Variants in OTUD7A observed in about 807,000 individuals in gnomAD.
OTUD7A encodes OTU deubiquitinase 7A, also known as OTU domain-containing protein 7A.
Under a neutral mutation model 65.7 loss-of-function variants are expected in OTUD7A, and 12 were observed. That is an observed-to-expected ratio of 0.18 (90% CI 0.12 to 0.30). OTUD7A has a LOEUF of 0.30. Among genes scored for constraint, OTUD7A ranks in the 10% least tolerant of loss-of-function variants. The pLI is 1.00. For missense variants in OTUD7A, 1,148 were observed against 1,304.8 expected (o/e 0.88, Z 1.85); for synonymous variants, 641 against 586.3 (o/e 1.09, Z -1.35).
intron 3 of OTUD7A, among the ~76,000 whole-genome samples, chr15:31,619,424 T>G (rs1291476080): frequency 1.3e-5 from 2 of 152,232 alleles, no homozygotes. Flanking sequence ...TGTTCTTCCA[T>G]TTGTTTGTAT....
chr15:31,642,935 C>CTT (rs564017250), intron 3 of OTUD7A, among the ~76,000 whole-genome samples: 10 of 150,796 alleles, frequency 6.6e-5, no homozygotes, highest in Non-Finnish European at 1.5e-4. Flanking sequence ...TTAATTTGCT[C>CTT]TTTTTTTTTC....
At chr15:31,709,892 A>C (rs1893398432) in intron 1 of OTUD7A, among the ~76,000 whole-genome samples, 1 of 151,998 alleles carries the variant, frequency 6.6e-6, no homozygotes, top group Admixed American at 6.5e-5. Context: ...GTTTATTGTT[A>C]ACTAAAGAAA....
intron 1 of OTUD7A, among the ~76,000 whole-genome samples, chr15:31,661,054 G>A (rs1044357895): frequency 2.6e-5 from 4 of 152,234 alleles, no homozygotes; most frequent in East Asian, 1.9e-4. Context: ...ACTGGGCCTT[G>A]TGCCAGCTCT....
intron 1 of OTUD7A, among the ~76,000 whole-genome samples, chr15:31,745,344 T>C (rs1894448051): frequency 6.6e-6 from 1 of 152,060 alleles, no homozygotes; most frequent in Admixed American, 6.6e-5. Context: ...AAGGCAAATA[T>C]ATAAATCAAT....
chr15:31,613,967 G>C (rs1890507477), intron 3 of OTUD7A, among the ~76,000 whole-genome samples: 2 of 152,160 alleles, frequency 1.3e-5, no homozygotes, highest in African/African-American at 4.8e-5. Context: ...ATATTACTCA[G>C]CCATAAAAGG....
At chr15:31,485,377 AC>A (rs1212413790) in intron 12 of OTUD7A, among the ~76,000 whole-genome samples, 1 of 152,140 alleles carries the variant, frequency 6.6e-6, no homozygotes, top group Admixed American at 6.5e-5. Flanking sequence ...TTCCTTTCTC[AC>A]TCAGTTTGGC....
chr15:31,522,747 A>ACTGTGAC (rs1167488091), intron 8 of OTUD7A, among the ~76,000 whole-genome samples: 2 of 152,144 alleles, frequency 1.3e-5, no homozygotes, highest in African/African-American at 4.8e-5. Context: ...GGGCCTGGCC[A>ACTGTGAC]CTGTGAGTCC....
chr15:31,790,236 G>A (rs12903879), intron 1 of OTUD7A, among the ~76,000 whole-genome samples: 11,813 of 152,144 alleles, frequency 0.078, 1,090 homozygotes, highest in African/African-American at 0.23. Context: ...AAAACTAGGC[G>A]GCAGGGCCAC....
chr15:31,581,502 C>T (rs991397043), intron 3 of OTUD7A, among the ~76,000 whole-genome samples: 2 of 152,252 alleles, frequency 1.3e-5, no homozygotes, highest in Non-Finnish European at 1.5e-5. Context: ...TAAACTTTTG[C>T]ATGGACACCC....
intron 1 of OTUD7A, among the ~76,000 whole-genome samples, chr15:31,758,185 T>C (rs182795863): frequency 3.9e-5 from 6 of 152,172 alleles, no homozygotes; most frequent in Admixed American, 3.9e-4. Flanking sequence ...TAAACACATA[T>C]AAAACTGTAG....
At chr15:31,649,815 T>A (rs1307109820) in intron 3 of OTUD7A, 3 of 420,584 alleles carry the variant, frequency 7.1e-6, no homozygotes, top group African/African-American at 6.1e-5. Context: ...GGAAGGTGGA[T>A]CACAGTTGGA....
intron 1 of OTUD7A, among the ~76,000 whole-genome samples, chr15:31,804,474 A>T (rs1481714415): frequency 6.6e-6 from 1 of 152,112 alleles, no homozygotes; most frequent in Non-Finnish European, 1.5e-5. Context: ...CGAGGGACTA[A>T]GCCCCCTCCT....
At chr15:31,831,988 T>C (rs1384129161) in intron 1 of OTUD7A, among the ~76,000 whole-genome samples, 11 of 152,226 alleles carry the variant, frequency 7.2e-5, no homozygotes, top group Admixed American at 7.2e-4. Flanking sequence ...GAGGGAGATT[T>C]CTGGTATGAT....
At chr15:31,536,678 T>C (rs1427344027) in intron 5 of OTUD7A, among the ~76,000 whole-genome samples, 1 of 152,226 alleles carries the variant, frequency 6.6e-6, no homozygotes, top group Non-Finnish European at 1.5e-5. Context: ...AATGATGTCA[T>C]TCATTTGCAG....
chr15:31,737,988 GCT>G (rs1165358770), intron 1 of OTUD7A, among the ~76,000 whole-genome samples: 1 of 152,176 alleles, frequency 6.6e-6, no homozygotes, highest in Non-Finnish European at 1.5e-5. Flanking sequence ...GTATCTGTTA[GCT>G]CAAGGAAGTA....
intron 1 of OTUD7A, among the ~76,000 whole-genome samples, chr15:31,687,107 G>GA (rs11302415): frequency 0.11 from 16,748 of 146,326 alleles, 1,080 homozygotes; most frequent in East Asian, 0.23. Flanking sequence ...GATTTAAATA[G>GA]AAAAAAAAAA....
chr15:31,642,533 A>G (rs1891547925), intron 3 of OTUD7A, among the ~76,000 whole-genome samples: 1 of 152,178 alleles, frequency 6.6e-6, no homozygotes, highest in Non-Finnish European at 1.5e-5. Context: ...TCTTTGTGAG[A>G]AAGTTTTCAA....
chr15:31,584,190 T>C (rs940304482), intron 3 of OTUD7A, among the ~76,000 whole-genome samples: 1 of 152,200 alleles, frequency 6.6e-6, no homozygotes, highest in Non-Finnish European at 1.5e-5. Context: ...CAGCTCCCAG[T>C]TCCTTTAAGG....
At chr15:31,804,161 A>G (rs148390663) in intron 1 of OTUD7A, among the ~76,000 whole-genome samples, 23 of 152,340 alleles carry the variant, frequency 1.5e-4, no homozygotes, top group African/African-American at 5.3e-4. Flanking sequence ...CCTTCAAGGA[A>G]CAGACCCTTT....
Sources: gnomAD v4.1 joint callset for allele counts (sites outside exome capture counted in the v4.1 genomes callset) on GRCh38, gnomAD v4.1.1 for gene constraint, MANE v1.5 for transcripts, NCBI Gene and HGNC (gene_info 2026-07-23, HGNC 2026-07-21) for gene names.